Variants in XKR9 observed in about 807,000 individuals in gnomAD.
XKR9 encodes XK related 9.
Under a neutral mutation model 32.0 loss-of-function variants are expected in XKR9, and 32 were observed. The observed-to-expected ratio is 1.00, with a 90% CI of 0.76 to 1.34. The LOEUF is 1.34. Ranked by LOEUF, XKR9 falls within the 40% of genes most tolerant of loss-of-function variation. The pLI is 0.00. For missense variants in XKR9, 546 were observed against 429.7 expected (o/e 1.27, Z -2.39); for synonymous variants, 168 against 143.4 (o/e 1.17, Z -1.22).
intron 2 of XKR9, among the ~76,000 whole-genome samples, chr8:70,741,417 C>A (rs376343372): frequency 6.6e-6 from 1 of 152,162 alleles, no homozygotes; most frequent in Admixed American, 6.6e-5. Flanking sequence ...GTGAAGTAAA[C>A]TTTTCTTTAT....
chr8:70,866,777 G>T, the XKR9 span, among the ~76,000 whole-genome samples: 18 of 152,126 alleles, frequency 1.2e-4, no homozygotes, highest in South Asian at 3.7e-3. Flanking sequence ...GAGCCACCAT[G>T]CCTGGCCCTG....
At chr8:70,809,377 A>T in the XKR9 span, among the ~76,000 whole-genome samples, 13 of 152,170 alleles carry the variant, frequency 8.5e-5, no homozygotes, top group Admixed American at 8.5e-4. Context: ...AAATTCTAAA[A>T]ATCAGAATGC....
chr8:70,915,772 G>A, the XKR9 span, among the ~76,000 whole-genome samples: 3 of 152,112 alleles, frequency 2.0e-5, no homozygotes, highest in Admixed American at 2.0e-4. Context: ...TTTTGAGATG[G>A]GTATTCAGAG....
At chr8:70,990,568 G>A in the XKR9 span, among the ~76,000 whole-genome samples, 1 of 152,132 alleles carries the variant, frequency 6.6e-6, no homozygotes, top group Admixed American at 6.5e-5. Context: ...ATGTTATTCT[G>A]CTATTTAATA....
At chr8:70,922,663 C>T in the XKR9 span, among the ~76,000 whole-genome samples, 1 of 152,208 alleles carries the variant, frequency 6.6e-6, no homozygotes, top group African/African-American at 2.4e-5. Flanking sequence ...TATGTGCAGT[C>T]TGTCAAACCA....
chr8:70,809,694 G>A, the XKR9 span, among the ~76,000 whole-genome samples: 1 of 152,328 alleles, frequency 6.6e-6, no homozygotes, highest in Non-Finnish European at 1.5e-5. Flanking sequence ...AAGGGTATCA[G>A]TGATGGAAGA....
chr8:70,820,273 G>C, the XKR9 span, among the ~76,000 whole-genome samples: 1 of 152,094 alleles, frequency 6.6e-6, no homozygotes, highest in Non-Finnish European at 1.5e-5. Flanking sequence ...ATACCCTTTT[G>C]TCTGATCATA....
chr8:70,686,494 A>G (rs910451512), intron 3 of XKR9, among the ~76,000 whole-genome samples: 3 of 151,256 alleles, frequency 2.0e-5, no homozygotes, highest in African/African-American at 7.3e-5. Context: ...CCCAGGCTGG[A>G]GTGCAGTGGC....
At chr8:70,720,337 T>C (rs1015337148) in intron 4 of XKR9, among the ~76,000 whole-genome samples, 46 of 152,190 alleles carry the variant, frequency 3.0e-4, no homozygotes, top group Non-Finnish European at 5.0e-4. Context: ...AATACTATGT[T>C]GAATAGGAGT....
intron 2 of XKR9, among the ~76,000 whole-genome samples, chr8:70,777,411 A>T (rs987879504): frequency 2.0e-5 from 3 of 152,188 alleles, no homozygotes; most frequent in Non-Finnish European, 4.4e-5. Flanking sequence ...GTGCTGCAAT[A>T]AACATACGTG....
At chr8:70,777,409 A>G (rs953345921) in intron 2 of XKR9, among the ~76,000 whole-genome samples, 42 of 152,174 alleles carry the variant, frequency 2.8e-4, no homozygotes, top group African/African-American at 1.0e-3. Flanking sequence ...TTGTGCTGCA[A>G]TAAACATACG....
chr8:70,982,305 G>C, the XKR9 span, among the ~76,000 whole-genome samples: 1 of 152,154 alleles, frequency 6.6e-6, no homozygotes, highest in Non-Finnish European at 1.5e-5. Context: ...AGACCACCAG[G>C]TCGGGGCAGG....
At chr8:70,821,696 G>T in the XKR9 span, among the ~76,000 whole-genome samples, 1 of 152,212 alleles carries the variant, frequency 6.6e-6, no homozygotes, top group Non-Finnish European at 1.5e-5. Flanking sequence ...CTTGGGGCTT[G>T]CACCCTCTGA....
At chr8:71,032,644 T>A in the XKR9 span, among the ~76,000 whole-genome samples, 1 of 152,060 alleles carries the variant, frequency 6.6e-6, no homozygotes, top group African/African-American at 2.4e-5. Context: ...AGGTCTGGAG[T>A]AGGCTTCCAA....
chr8:70,876,917 G>A, the XKR9 span, among the ~76,000 whole-genome samples: 3 of 152,062 alleles, frequency 2.0e-5, no homozygotes, highest in Non-Finnish European at 4.4e-5. Context: ...ATGTCGTACT[G>A]TTTTGTAAAA....
At chr8:70,686,240 CT>C (rs35422609) in intron 3 of XKR9, among the ~76,000 whole-genome samples, 72,361 of 122,684 alleles carry the variant, frequency 0.59, 20,504 homozygotes, top group Middle Eastern at 0.73. Flanking sequence ...TCACTCCATT[CT>C]TTTTTTTTTT....
chr8:70,954,162 T>TC, the XKR9 span, among the ~76,000 whole-genome samples: 3 of 152,036 alleles, frequency 2.0e-5, no homozygotes, highest in East Asian at 5.8e-4. Context: ...GCAAAAATGG[T>TC]CCTGGGTGAG....
chr8:70,773,742 T>C (rs1363216747), intron 2 of XKR9, among the ~76,000 whole-genome samples: 1 of 152,052 alleles, frequency 6.6e-6, no homozygotes, highest in Non-Finnish European at 1.5e-5. Context: ...ACAAAATGAG[T>C]GTGTCATTGT....
chr8:71,050,470 A>G, the XKR9 span, among the ~76,000 whole-genome samples: 1 of 152,086 alleles, frequency 6.6e-6, no homozygotes. Context: ...AATGAGGGAA[A>G]TTTCTGAGCA....
Sources: allele counts gnomAD v4.1 joint callset (sites outside exome capture counted in the v4.1 genomes callset), GRCh38; gene constraint gnomAD v4.1.1; transcripts MANE v1.5; gene names NCBI Gene and HGNC (gene_info 2026-07-23, HGNC 2026-07-21).